The following PPP1R12A variants were observed in gnomAD, a reference collection of about 807,000 sequenced individuals.
PPP1R12A encodes myosin binding subunit.
In PPP1R12A, 19 loss-of-function variants were observed where a neutral mutation model predicts 139.6. The ratio of observed to expected loss-of-function variants is 0.14; its 90% CI spans 0.09 to 0.20. PPP1R12A has a LOEUF of 0.20. Among genes scored for constraint, PPP1R12A ranks in the 10% least tolerant of loss-of-function variants. PPP1R12A has a pLI of 1.00. For missense variants in PPP1R12A, 925 were observed against 1,211.5 expected (o/e 0.76, Z 3.51); for synonymous variants, 427 against 420.6 (o/e 1.02, Z -0.19).
chr12:79,800,493 G>C (rs1457121117), intron 14 of PPP1R12A, among the ~76,000 whole-genome samples: 1 of 151,676 alleles, frequency 6.6e-6, no homozygotes, highest in Non-Finnish European at 1.5e-5. Context: ...CTAATCAACT[G>C]CTTATGTTAT....
At position 79,798,535 on chromosome 12, in the gene PPP1R12A, CT is replaced by C; in HGVS notation, c.2049del (p.Ala684GlnfsTer16). 1 of 1,572,370 alleles carries C rather than the reference CT, an allele frequency of 6.4e-7. No homozygotes were observed. The highest frequency in any genetic ancestry group is 1.2e-5 in the South Asian group (1 of 86,314). ...VRDEESESQR[K>X]ARSRQARQSR... is the part of the protein sequence containing the mutation. ...GATTGTCTTGCTTGTCTAGATCTTG[CT>C]TTTCTTTGGGATTCAGACTCTTCAT... On this transcript the variant is annotated frameshift_variant, in exon 15 of 25. Coordinates refer to ENST00000450142, the MANE Select transcript of PPP1R12A (RefSeq NM_002480.3). LOFTEE classifies it high-confidence loss of function.
intron 1 of PPP1R12A, among the ~76,000 whole-genome samples, chr12:79,876,109 T>C (rs1565792116): frequency 6.6e-6 from 1 of 152,202 alleles, no homozygotes; most frequent in Non-Finnish European, 1.5e-5. Flanking sequence ...CCACATTTCA[T>C]AAATGAAGTC....
upstream of PPP1R12A, chr12:79,935,341 G>A (rs1888588870): frequency 5.9e-6 from 6 of 1,021,040 alleles, no homozygotes; most frequent in Admixed American, 1.2e-4. Context: ...GGCAGCGGGG[G>A]CTGGGACAGA....
chr12:79,862,710 T>A (rs1270592836), intron 2 of PPP1R12A, among the ~76,000 whole-genome samples: 1 of 151,800 alleles, frequency 6.6e-6, no homozygotes, highest in African/African-American at 2.4e-5. Context: ...GCAGAAGAAA[T>A]GATATCAGTG....
intron 2 of PPP1R12A, chr12:79,848,745 C>T (rs1031049375): frequency 7.2e-5 from 11 of 152,186 alleles, no homozygotes; most frequent in Admixed American, 1.3e-4. Flanking sequence ...TACAAAGGCA[C>T]ATTTGAAAAA....
At chr12:79,913,053 G>A (rs528645332) in intron 1 of PPP1R12A, among the ~76,000 whole-genome samples, 4 of 152,280 alleles carry the variant, frequency 2.6e-5, no homozygotes, top group Admixed American at 2.6e-4. Context: ...CCATTCCAGT[G>A]GTATGTGCTG....
chr12:79,870,588 G>T (rs1882470734), intron 2 of PPP1R12A, among the ~76,000 whole-genome samples: 1 of 152,166 alleles, frequency 6.6e-6, no homozygotes, highest in Non-Finnish European at 1.5e-5. Context: ...TTTTAATCTG[G>T]TTCAAGGAAA....
At chr12:79,821,734 G>C (rs1301169574) in intron 6 of PPP1R12A, among the ~76,000 whole-genome samples, 2 of 149,376 alleles carry the variant, frequency 1.3e-5, no homozygotes, top group South Asian at 4.2e-4. Context: ...GCCTGGGACA[G>C]AGTGAGACCC....
intron 1 of PPP1R12A, among the ~76,000 whole-genome samples, chr12:79,899,233 A>AATATATAT (rs58319454): frequency 2.0e-4 from 28 of 141,910 alleles, no homozygotes; most frequent in East Asian, 4.6e-4. Flanking sequence ...AGATCTTAAA[A>AATATATAT]ATATATATAT....
intron 1 of PPP1R12A, among the ~76,000 whole-genome samples, chr12:79,874,900 T>A (rs1247057090): frequency 6.6e-6 from 1 of 152,208 alleles, no homozygotes; most frequent in Non-Finnish European, 1.5e-5. Context: ...AGAGCCTTTG[T>A]TCTTGCAGTT....
At chr12:79,877,108 A>G (rs1883183139) in intron 1 of PPP1R12A, among the ~76,000 whole-genome samples, 1 of 152,128 alleles carries the variant, frequency 6.6e-6, no homozygotes, top group Non-Finnish European at 1.5e-5. Context: ...GTGAACAAGT[A>G]ATTTAATCTT....
intron 1 of PPP1R12A, among the ~76,000 whole-genome samples, chr12:79,898,412 T>A (rs1214038126): frequency 3.3e-5 from 5 of 152,116 alleles, no homozygotes; most frequent in Admixed American, 6.5e-5. Flanking sequence ...GCCGAGATGG[T>A]GCCACGGCAC....
chr12:79,871,466 A>G (rs2137328187), intron 2 of PPP1R12A, among the ~76,000 whole-genome samples: 1 of 152,324 alleles, frequency 6.6e-6, no homozygotes. Flanking sequence ...GTTAATATGT[A>G]CTATTTCCTA....
chr12:79,778,976 C>A, intron 23 of PPP1R12A: 1 of 231,710 alleles, frequency 4.3e-6, no homozygotes, highest in Non-Finnish European at 8.8e-6. Context: ...AGCAGAAAAG[C>A]AAGAAGCAAA....
chr12:79,834,554 T>A lies in PPP1R12A; in HGVS notation c.488-2063A>T, dbSNP rs115850369. 5.3e-3 allele frequency among the ~76,000 whole-genome samples: 800 copies of A among 152,278 alleles called. 8 individuals carry two copies. Among genetic ancestry groups the A allele is most frequent in the African/African-American group, 0.017 (716 of 41,552 alleles). On this transcript the variant is annotated intron_variant, in intron 3 of 24. Coordinates refer to ENST00000450142, the MANE Select transcript of PPP1R12A (RefSeq NM_002480.3). ...CAAGGCTTACCAAGAGAATTTGCTGTTAGTTTGGATACAGAAGAAAAAGAG... is the reference window on the plus strand; with the variant it reads ...CAAGGCTTACCAAGAGAATTTGCTGATAGTTTGGATACAGAAGAAAAAGAG...
At position 79,775,914 on chromosome 12, in the gene PPP1R12A, CTGCT is replaced by C; in HGVS notation, c.*11_*14del. ...CTAATATGTGCAATTCCATTACTTGCTGCTTTTTTTTTTTTTATTTGGAAAGTTT... is the reference window on the plus strand; with the variant it reads ...CTAATATGTGCAATTCCATTACTTGCTTTTTTTTTTTTATTTGGAAAGTTT... On this transcript the variant is annotated 3_prime_UTR_variant, in exon 25 of 25. Transcript: ENST00000450142. 6.8e-7 allele frequency: 1 copy of C among 1,467,290 alleles called. No homozygotes were observed. Among genetic ancestry groups the C allele is most frequent in the Non-Finnish European group, 9.3e-7 (1 of 1,074,230 alleles). 90.9% of individuals were successfully genotyped at this position (1,467,290 alleles called of 1,614,324 possible).
At chr12:79,912,901 C>G (rs1184636816) in intron 1 of PPP1R12A, among the ~76,000 whole-genome samples, 1 of 152,134 alleles carries the variant, frequency 6.6e-6, no homozygotes, top group Admixed American at 6.6e-5. Flanking sequence ...ATAAGTACAA[C>G]CAAGCAAGAG....
At chr12:79,905,580 T>C (rs1436311746) in intron 1 of PPP1R12A, among the ~76,000 whole-genome samples, 3 of 152,328 alleles carry the variant, frequency 2.0e-5, no homozygotes, top group African/African-American at 7.2e-5. Flanking sequence ...TACTTTCTGA[T>C]TTAAGGCTAC....
chr12:79,815,419 G>A (rs1387134442), intron 9 of PPP1R12A, among the ~76,000 whole-genome samples: 2 of 151,960 alleles, frequency 1.3e-5, no homozygotes, highest in African/African-American at 4.8e-5. Context: ...TACTCAGTAG[G>A]CTGAGACAGG....
Sources: allele counts gnomAD v4.1 joint callset (sites outside exome capture counted in the v4.1 genomes callset), GRCh38; gene constraint gnomAD v4.1.1; transcripts MANE v1.5; gene names NCBI Gene and HGNC (gene_info 2026-07-23, HGNC 2026-07-21).